AUTS2: variants seen among roughly 807,000 people sequenced by gnomAD.
The protein encoded by AUTS2 is autism susceptibility gene 2 protein.
Under a neutral mutation model 112.4 loss-of-function variants are expected in AUTS2, and 17 were observed. That is an observed-to-expected ratio of 0.15 (90% CI 0.10 to 0.23). The LOEUF is 0.23. AUTS2 is among the 10% of genes least tolerant of loss of function. The pLI, the probability that AUTS2 is intolerant of heterozygous loss-of-function variation, is 1.00. For missense variants in AUTS2, 1,510 were observed against 1,701.6 expected (o/e 0.89, Z 1.98); for synonymous variants, 751 against 702.7 (o/e 1.07, Z -1.09).
chr7:70,640,840 G>A (rs866134907), intron 5 of AUTS2, among the ~76,000 whole-genome samples: 24 of 152,322 alleles, frequency 1.6e-4, no homozygotes, highest in Middle Eastern at 6.8e-3. Context: ...TGAAAGCTCA[G>A]CTTTCCGTTG....
intron 1 of AUTS2, among the ~76,000 whole-genome samples, chr7:69,898,919 T>C (rs79879682): frequency 2.0e-5 from 3 of 152,308 alleles, no homozygotes; most frequent in East Asian, 3.9e-4. Flanking sequence ...ACATAATTGA[T>C]GTACCAACTT....
In AUTS2 at chr7:70,495,911, TCACA is replaced by T. The variant is rs1160789768; in HGVS notation, c.690+60136_690+60139del. Reference sequence around the variant, plus strand: ...CATCAGCGTCGATCACACATCCCACTCACACACACCACGTACACAGTCACACACA... The same window carrying T: ...CATCAGCGTCGATCACACATCCCACTCACACCACGTACACAGTCACACACA... On this transcript the variant is annotated intron_variant, in intron 5 of 18. Coordinates refer to ENST00000342771, the MANE Select transcript of AUTS2 (RefSeq NM_015570.4). 1.9e-4 allele frequency among the ~76,000 whole-genome samples: 18 copies of T among 96,280 alleles called. No homozygotes were observed. The South Asian group carries it at 2.7e-3, about 14-fold the overall frequency. The allele number at this position is 96,280 out of a possible 152,430, so 63.2% of individuals were successfully genotyped here.
chr7:69,891,801 T>TTTC (rs1794537082), intron 1 of AUTS2, among the ~76,000 whole-genome samples: 4 of 107,878 alleles, frequency 3.7e-5, no homozygotes, highest in Non-Finnish European at 3.7e-5. Flanking sequence ...TTTTTTTTTT[T>TTTC]TTTTTTTTTT....
chr7:70,176,920 T>C (rs1275549346), intron 4 of AUTS2, among the ~76,000 whole-genome samples: 3 of 152,220 alleles, frequency 2.0e-5, no homozygotes, highest in Non-Finnish European at 4.4e-5. Context: ...AAATTTCTTA[T>C]ATGAATTGTT....
intron 1 of AUTS2, among the ~76,000 whole-genome samples, chr7:69,613,671 A>G (rs1793163097): frequency 6.6e-6 from 1 of 152,220 alleles, no homozygotes; most frequent in African/African-American, 2.4e-5. Flanking sequence ...ATAAGCTTAT[A>G]TTCTGCTATA....
chr7:69,848,874 G>A (rs140409393), intron 1 of AUTS2, among the ~76,000 whole-genome samples: 285 of 151,082 alleles, frequency 1.9e-3, no homozygotes, highest in Non-Finnish European at 2.9e-3. Flanking sequence ...CCCGCCCCCC[G>A]CCACCACCTT....
chr7:70,593,952 A>G (rs1295479454), intron 5 of AUTS2, among the ~76,000 whole-genome samples: 1 of 152,234 alleles, frequency 6.6e-6, no homozygotes, highest in Non-Finnish European at 1.5e-5. Flanking sequence ...AGAACATCAT[A>G]GAACATAGAA....
chr7:69,705,092 C>T (rs1798003240), intron 1 of AUTS2, among the ~76,000 whole-genome samples: 3 of 152,176 alleles, frequency 2.0e-5, no homozygotes, highest in Admixed American at 6.5e-5. Context: ...GTCTCAAACT[C>T]GTCAGCTCAA....
chr7:70,630,346 T>C (rs1469780414), intron 5 of AUTS2, among the ~76,000 whole-genome samples: 1 of 152,192 alleles, frequency 6.6e-6, no homozygotes. Flanking sequence ...CTGCTCCAAA[T>C]GTACATAACT....
chr7:70,660,106 G>C (rs1806988670), intron 5 of AUTS2, among the ~76,000 whole-genome samples: 1 of 152,044 alleles, frequency 6.6e-6, no homozygotes, highest in African/African-American at 2.4e-5. Context: ...GAAACCAGGA[G>C]GCAGAGGTTG....
intron 1 of AUTS2, among the ~76,000 whole-genome samples, chr7:69,848,153 A>G (rs1792295557): frequency 6.6e-6 from 1 of 152,116 alleles, no homozygotes; most frequent in Admixed American, 6.5e-5. Context: ...AGGAATAGGG[A>G]CCTTCTTCCT....
intron 2 of AUTS2, among the ~76,000 whole-genome samples, chr7:70,052,273 A>AT (rs1801790245): frequency 1.3e-5 from 2 of 152,158 alleles, no homozygotes; most frequent in South Asian, 4.1e-4. Context: ...AGGTACATTG[A>AT]TATAGAAGAC....
chr7:69,946,557 TACACACACACACACACACACACACACAC>T (rs57891742), intron 2 of AUTS2, among the ~76,000 whole-genome samples: 12,362 of 144,044 alleles, frequency 0.086, 678 homozygotes, highest in African/African-American at 0.14. Context: ...TGTGATGTGA[TACACACACACACACACACACACACACAC>T]ACACACACAC....
At position 70,164,671 on chromosome 7, in the gene AUTS2, T is replaced by C. The variant is rs182965968; in HGVS notation, c.660+30100T>C. 5.3e-4 allele frequency among the ~76,000 whole-genome samples: 81 copies of C among 152,308 alleles called. 2 individuals carry two copies. Among genetic ancestry groups the C allele is most frequent in the Middle Eastern group, 3.4e-3 (1 of 294 alleles). The stretch of plus-strand genomic sequence containing the variant: ...TCCTGTGGTGCATCAACACTAGTTA[T>C]AGCAACAGTAAAATACAGACACAAT... On this transcript the variant is annotated intron_variant, in intron 4 of 18. Coordinates refer to ENST00000342771, the MANE Select transcript of AUTS2 (RefSeq NM_015570.4).
chr7:69,716,425 T>G (rs912101289), intron 1 of AUTS2, among the ~76,000 whole-genome samples: 7 of 152,014 alleles, frequency 4.6e-5, no homozygotes, highest in Non-Finnish European at 8.8e-5. Context: ...AAATTTTCGA[T>G]AGGGAAAAGA....
At chr7:70,198,378 C>T (rs1158471504) in intron 4 of AUTS2, among the ~76,000 whole-genome samples, 3 of 151,750 alleles carry the variant, frequency 2.0e-5, no homozygotes, top group Admixed American at 6.6e-5. Flanking sequence ...AGGCTTCAGA[C>T]GATCAAATTA....
At chr7:69,778,855 A>G (rs1789013854) in intron 1 of AUTS2, among the ~76,000 whole-genome samples, 1 of 151,914 alleles carries the variant, frequency 6.6e-6, no homozygotes, top group Non-Finnish European at 1.5e-5. Context: ...TTTTCCTGAT[A>G]TAGATGAGCT....
chr7:70,367,568 A>C (rs1008776099), intron 4 of AUTS2, among the ~76,000 whole-genome samples: 3 of 147,604 alleles, frequency 2.0e-5, no homozygotes, highest in African/African-American at 7.3e-5. Context: ...AAAAAAAAAA[A>C]ATTGTAAAAA....
chr7:70,673,298 A>G (rs1207217359), intron 5 of AUTS2, among the ~76,000 whole-genome samples: 2 of 152,110 alleles, frequency 1.3e-5, no homozygotes, highest in African/African-American at 2.4e-5. Context: ...CTGTTTTAGT[A>G]TTGGTGAAAC....
Sources: gnomAD v4.1 joint callset for allele counts (sites outside exome capture counted in the v4.1 genomes callset) on GRCh38, gnomAD v4.1.1 for gene constraint, MANE v1.5 for transcripts, NCBI Gene and HGNC (gene_info 2026-07-23, HGNC 2026-07-21) for gene names.